Variants in WWOX observed in about 807,000 individuals in gnomAD.
WWOX encodes WW domain-containing oxidoreductase.
Under a neutral mutation model 46.2 loss-of-function variants are expected in WWOX, and 69 were observed. The observed-to-expected ratio is 1.49, with a 90% CI of 1.23 to 1.82. The LOEUF is 1.82. Ranked by LOEUF, WWOX falls within the 40% of genes most tolerant of loss-of-function variation. The pLI is 0.00. For missense variants in WWOX, 919 were observed against 542.6 expected, an observed-to-expected ratio of 1.69 and a Z score of -6.89; for synonymous variants, 359 against 202.6, an observed-to-expected ratio of 1.77 and a Z score of -6.56.
intron 8 of WWOX, among the ~76,000 whole-genome samples, chr16:78,721,710 A>G (rs533509457): frequency 2.6e-5 from 4 of 152,348 alleles, no homozygotes; most frequent in East Asian, 1.9e-4. Context: ...TTGGCTGGCC[A>G]GTAGCATCCT....
intron 6 of WWOX, among the ~76,000 whole-genome samples, chr16:78,422,680 T>TAC (rs2082963151): frequency 2.7e-5 from 2 of 75,160 alleles, no homozygotes; most frequent in Admixed American, 1.6e-4. Context: ...TATATATATA[T>TAC]ATATACACAC....
At chr16:78,335,510 C>T (rs1260697625) in intron 5 of WWOX, among the ~76,000 whole-genome samples, 7 of 152,102 alleles carry the variant, frequency 4.6e-5, no homozygotes, top group Non-Finnish European at 1.0e-4. Flanking sequence ...ACCATATTTT[C>T]TTCATCCTAT....
At chr16:78,131,214 A>C (rs1255926884) in intron 4 of WWOX, among the ~76,000 whole-genome samples, 3 of 152,106 alleles carry the variant, frequency 2.0e-5, no homozygotes, top group African/African-American at 4.8e-5. Context: ...AGAACATTTA[A>C]ATTGATTCGC....
chr16:79,174,782 A>T (rs1435490924), intron 8 of WWOX, among the ~76,000 whole-genome samples: 1 of 152,244 alleles, frequency 6.6e-6, no homozygotes, highest in Non-Finnish European at 1.5e-5. Context: ...AGAAGCTAAT[A>T]AGTATATATT....
intron 5 of WWOX, among the ~76,000 whole-genome samples, chr16:78,190,396 C>T (rs752500439): frequency 3.3e-5 from 5 of 152,214 alleles, no homozygotes; most frequent in African/African-American, 7.2e-5. Flanking sequence ...TAATAAATCC[C>T]GCTTTGTGCT....
intron 8 of WWOX, among the ~76,000 whole-genome samples, chr16:79,048,407 C>A (rs1317240756): frequency 6.6e-6 from 1 of 152,014 alleles, no homozygotes; most frequent in East Asian, 1.9e-4. Flanking sequence ...GGTTCAGCAG[C>A]AACTGATTAC....
intron 6 of WWOX, among the ~76,000 whole-genome samples, chr16:78,404,012 G>T (rs1375100475): frequency 1.3e-5 from 2 of 152,180 alleles, no homozygotes; most frequent in African/African-American, 4.8e-5. Context: ...AAAATCAGAA[G>T]AGCAACTCCA....
intron 8 of WWOX, among the ~76,000 whole-genome samples, chr16:78,440,110 AAAAAGG>A (rs745838692): frequency 2.6e-5 from 4 of 152,248 alleles, no homozygotes; most frequent in Non-Finnish European, 4.4e-5. Context: ...GATTTTGAGG[AAAAAGG>A]ATAGGGTAAT....
At chr16:78,155,340 G>T (rs554292601) in intron 4 of WWOX, among the ~76,000 whole-genome samples, 1 of 152,296 alleles carries the variant, frequency 6.6e-6, no homozygotes, top group East Asian at 1.9e-4. Flanking sequence ...GGCTTGACTT[G>T]TCCTCTGATC....
chr16:78,323,130 C>T (rs776486416), intron 5 of WWOX, among the ~76,000 whole-genome samples: 26 of 152,072 alleles, frequency 1.7e-4, no homozygotes, highest in Non-Finnish European at 2.2e-4. Flanking sequence ...TTGTTTGAGA[C>T]GGAGTCTTGC....
intron 8 of WWOX, among the ~76,000 whole-genome samples, chr16:79,211,155 C>CTACCTGATGGACCACAATT (rs1469211455): frequency 6.6e-6 from 1 of 152,086 alleles, no homozygotes; most frequent in East Asian, 1.9e-4. Flanking sequence ...CTTGGGTTTT[C>CTACCTGATGGACCACAATT]TACCTGATGG....
intron 8 of WWOX, among the ~76,000 whole-genome samples, chr16:78,725,547 A>G (rs931801348): frequency 3.8e-4 from 57 of 149,570 alleles, no homozygotes; most frequent in African/African-American, 1.4e-3. Context: ...GGGTTTCACC[A>G]TGTTGGTCAC....
chr16:79,132,792 C>T (rs1444025275), intron 8 of WWOX, among the ~76,000 whole-genome samples: 1 of 152,202 alleles, frequency 6.6e-6, no homozygotes, highest in Non-Finnish European at 1.5e-5. Flanking sequence ...GTACTGATGT[C>T]AATGACTTTT....
chr16:78,694,742 G>A (rs939536495), intron 8 of WWOX, among the ~76,000 whole-genome samples: 5 of 152,050 alleles, frequency 3.3e-5, no homozygotes, highest in East Asian at 3.9e-4. Context: ...TCATAAGAAC[G>A]CTTTATTGGA....
intron 8 of WWOX, among the ~76,000 whole-genome samples, chr16:78,906,030 G>T (rs4888875): frequency 6.6e-6 from 1 of 151,920 alleles, no homozygotes; most frequent in Non-Finnish European, 1.5e-5. Flanking sequence ...TGCAATGATG[G>T]ATGAATGAAT....
At chr16:78,939,091 A>T (rs1344185911) in intron 8 of WWOX, among the ~76,000 whole-genome samples, 1 of 152,188 alleles carries the variant, frequency 6.6e-6, no homozygotes, top group African/African-American at 2.4e-5. Flanking sequence ...AGGGCTTTAG[A>T]CAGGACAGTG....
rs1427515892 is a variant in WWOX at position 78,115,117 on chromosome 16, C to A, written c.372C>A (p.Gly124=). The part of the protein sequence containing the change: ...MEILQGRDFT[G]KVVVVTGANS... ...TTCTCCAGGGCCGGGATTTCACTGG[C>A]AAAGTGGTTGTGGTCACTGGAGCTA... The change falls in exon 4 of 9, where the codon GGC becomes GGA. Residue 124 remains glycine (G), a synonymous_variant. Coordinates refer to ENST00000566780, the MANE Select transcript of WWOX (RefSeq NM_016373.4). 5 of 1,614,080 alleles carry A rather than the reference C, an allele frequency of 3.1e-6. No homozygotes were observed. The highest frequency in any genetic ancestry group is 1.3e-5 in the African/African-American group (1 of 74,932).
At position 78,884,789 on chromosome 16, in the gene WWOX, A is replaced by G. The variant is rs527459577; in HGVS notation, c.1057-326819A>G. On this transcript the variant is annotated intron_variant, in intron 8 of 8. Transcript: ENST00000566780. ...TTAATGACACATGTATGTTTTGTGA[A>G]TTTTTTTGCATGTATATTTTACTCT... Among the ~76,000 whole-genome samples the G allele has an allele frequency of 2.4e-4, 36 of 152,224 alleles. 1 individual carries two copies. Among genetic ancestry groups the G allele is most frequent in the African/African-American group, 8.7e-4 (36 of 41,548 alleles).
At chr16:78,547,922 T>C (rs1295621769) in intron 8 of WWOX, among the ~76,000 whole-genome samples, 1 of 152,140 alleles carries the variant, frequency 6.6e-6, no homozygotes, top group East Asian at 1.9e-4. Context: ...GAGGCTGAGA[T>C]GGGCAGATCA....
Sources: allele counts gnomAD v4.1 joint callset (sites outside exome capture counted in the v4.1 genomes callset), GRCh38; gene constraint gnomAD v4.1.1; transcripts MANE v1.5; gene names NCBI Gene and HGNC (gene_info 2026-07-23, HGNC 2026-07-21).